Variants in FBXW7 observed in about 807,000 individuals in gnomAD.
FBXW7 encodes the protein F-box/WD repeat-containing protein 7.
Under a neutral mutation model 86.3 loss-of-function variants are expected in FBXW7, and 11 were observed. The ratio of observed to expected loss-of-function variants is 0.13; its 90% CI spans 0.08 to 0.21. The LOEUF is 0.21. FBXW7 is among the 10% of genes least tolerant of loss of function. The probability of loss-of-function intolerance (pLI) is 1.00; values close to 1 mark genes in which losing one functional copy is unlikely to be tolerated. For missense variants in FBXW7, 488 were observed against 847.4 expected (o/e 0.58, Z 5.27); for synonymous variants, 313 against 297.9 (o/e 1.05, Z -0.52).
chr4:152,463,131 T>C (rs931394031), intron 2 of FBXW7, among the ~76,000 whole-genome samples: 15 of 151,522 alleles, frequency 9.9e-5, no homozygotes, highest in Non-Finnish European at 2.9e-5. Context: ...ATACTAAAAA[T>C]ACAAAAATTA....
chr4:152,335,444 G>C (rs571848580), intron 7 of FBXW7, among the ~76,000 whole-genome samples: 24 of 152,136 alleles, frequency 1.6e-4, no homozygotes, highest in African/African-American at 5.1e-4. Context: ...TCCCAGCCTG[G>C]GCAACAGAGT....
intron 4 of FBXW7, among the ~76,000 whole-genome samples, chr4:152,381,611 T>A (rs1336817018): frequency 6.6e-6 from 1 of 152,152 alleles, no homozygotes; most frequent in Non-Finnish European, 1.5e-5. Context: ...ATACAAGTTC[T>A]ACAAAATGTT....
chr4:152,504,449 T>G (rs1055273874), intron 2 of FBXW7, among the ~76,000 whole-genome samples: 5 of 152,196 alleles, frequency 3.3e-5, no homozygotes, highest in Admixed American at 6.5e-5. Context: ...AATCTCCTTT[T>G]GAATATAATG....
At chr4:152,402,753 T>C (rs1412376470) in intron 4 of FBXW7, among the ~76,000 whole-genome samples, 3 of 152,184 alleles carry the variant, frequency 2.0e-5, no homozygotes, top group South Asian at 2.1e-4. Flanking sequence ...TGGGAACACA[T>C]TGAAGGCATT....
intron 2 of FBXW7, among the ~76,000 whole-genome samples, chr4:152,429,363 G>A (rs1380206041): frequency 6.8e-6 from 1 of 146,760 alleles, no homozygotes; most frequent in Non-Finnish European, 1.5e-5. Context: ...TTTGTTAGGG[G>A]GAAGTTGGGT....
At chr4:152,472,267 C>T (rs1326578029) in intron 2 of FBXW7, among the ~76,000 whole-genome samples, 2 of 152,066 alleles carry the variant, frequency 1.3e-5, no homozygotes, top group Non-Finnish European at 2.9e-5. Flanking sequence ...AAGATAAACC[C>T]AAAGACTAAG....
intron 4 of FBXW7, among the ~76,000 whole-genome samples, chr4:152,378,226 CTTTTATTTCTAT>C (rs1229020950): frequency 1.3e-5 from 2 of 152,126 alleles, no homozygotes; most frequent in Admixed American, 6.5e-5. Context: ...AAATATTCTA[CTTTTATTTCTAT>C]TTTTATTTTA....
At chr4:152,530,105 G>GTACATATATATATACGTATA (rs1561006461) in intron 2 of FBXW7, among the ~76,000 whole-genome samples, 1 of 142,898 alleles carries the variant, frequency 7.0e-6, no homozygotes, top group African/African-American at 2.6e-5. Flanking sequence ...ACACACACGT[G>GTACATATATATATACGTATA]TATATATATA....
At position 152,326,126 on chromosome 4, in the gene FBXW7, T is replaced by C. The variant is rs147462419; in HGVS notation, c.1524A>G (p.Gln508=). Residue 508 remains glutamine (Q), a synonymous_variant, in exon 12 of 14, where the codon CAA becomes CAG. Transcript: ENST00000281708. ...CACTAACAACCCTCCTGCCATCATA[T>C]TGAACACAGCGGACTGCTGCAACAT... is the stretch of plus-strand genomic sequence containing the variant. ...MGHVAAVRCV[Q]YDGRRVVSGA... is the part of the protein sequence containing the mutation. 5.6e-6 allele frequency: 9 copies of C among 1,613,442 alleles called. No individual in the cohort carries two copies. The African/African-American group carries it at 9.3e-5, about 17-fold the overall frequency.
intron 4 of FBXW7, among the ~76,000 whole-genome samples, chr4:152,405,825 T>C (rs553912949): frequency 6.6e-6 from 1 of 151,810 alleles, no homozygotes; most frequent in African/African-American, 2.4e-5. Context: ...GACCAGAAGA[T>C]GGGACCTATT....
intron 4 of FBXW7, among the ~76,000 whole-genome samples, chr4:152,405,095 T>A (rs1380813089): frequency 5.1e-5 from 4 of 79,034 alleles, no homozygotes; most frequent in African/African-American, 1.5e-4. Flanking sequence ...GACCTTGTCT[T>A]AAAAAAAAAA....
intron 4 of FBXW7, among the ~76,000 whole-genome samples, chr4:152,366,270 A>G (rs1222235954): frequency 6.6e-6 from 1 of 152,204 alleles, no homozygotes; most frequent in Non-Finnish European, 1.5e-5. Context: ...AAATTGGAAG[A>G]AAATAAGTTT....
chr4:152,484,430 A>G (rs2149674923), intron 2 of FBXW7, among the ~76,000 whole-genome samples: 1 of 152,294 alleles, frequency 6.6e-6, no homozygotes, highest in African/African-American at 2.4e-5. Context: ...GAAAAAGAGA[A>G]GCTCAGATAT....
intron 2 of FBXW7, among the ~76,000 whole-genome samples, chr4:152,485,137 G>A (rs565398395): frequency 5.0e-4 from 76 of 151,798 alleles, no homozygotes; most frequent in Non-Finnish European, 7.4e-5. Flanking sequence ...TTTTGTATTA[G>A]TAAAAATAAC....
intron 4 of FBXW7, among the ~76,000 whole-genome samples, chr4:152,361,179 C>T (rs1306798813): frequency 6.6e-6 from 1 of 152,012 alleles, no homozygotes; most frequent in Non-Finnish European, 1.5e-5. Context: ...TTAATCAATT[C>T]TTTGTTTTTA....
At chr4:152,379,304 A>AT (rs1346977536) in intron 4 of FBXW7, among the ~76,000 whole-genome samples, 4 of 152,126 alleles carry the variant, frequency 2.6e-5, no homozygotes, top group Non-Finnish European at 5.9e-5. Flanking sequence ...AGGTTAAATA[A>AT]TTTTTTCCTG....
chr4:152,332,683 C>A lies in FBXW7; in HGVS notation c.898G>T (p.Asp300Tyr). 6.3e-7 allele frequency: 1 copy of A among 1,599,802 alleles called. No individual in the cohort carries two copies. Among genetic ancestry groups the A allele is most frequent in the South Asian group, 1.1e-5 (1 of 90,048 alleles). The change falls in exon 8 of 14, where the codon GAC (aspartate) becomes TAC (tyrosine). Residue 300 changes from aspartate (D) to tyrosine (Y), a missense_variant. By Grantham distance (160) the Asp-to-Tyr change is radical. Around this residue, in one of 4 missense-constraint regions of FBXW7, gnomAD observed 59 missense variants for 137.9 expected, o/e 0.43. Coordinates refer to ENST00000281708, the MANE Select transcript of FBXW7 (RefSeq NM_001349798.2). ...CATGTCTGAGCTGCTTGTAGCAGGT[C>A]TTTGGGTTCCAGGAATGAAAGCACA... ...LYVLSFLEPK[D>Y]LLQAAQTCRY...
At chr4:152,516,164 T>C (rs751538754) in intron 2 of FBXW7, among the ~76,000 whole-genome samples, 29 of 152,164 alleles carry the variant, frequency 1.9e-4, no homozygotes, top group Non-Finnish European at 3.4e-4. Context: ...TCCTGACCAA[T>C]AGAAACTGTA....
At chr4:152,425,536 A>G (rs551126442) in intron 2 of FBXW7, among the ~76,000 whole-genome samples, 2 of 152,292 alleles carry the variant, frequency 1.3e-5, no homozygotes, top group African/African-American at 4.8e-5. Flanking sequence ...GCCAACTACC[A>G]AACAGATACT....
Sources: gnomAD v4.1 joint callset for allele counts (sites outside exome capture counted in the v4.1 genomes callset) on GRCh38, gnomAD v4.1.1 for gene constraint, gnomAD v4.1.1 regional missense constraint, MANE v1.5 for transcripts, NCBI Gene and HGNC (gene_info 2026-07-23, HGNC 2026-07-21) for gene names.